The following GAB2 variants were observed in gnomAD, a reference collection of about 807,000 sequenced individuals.
GAB2 encodes the protein GRB2 associated binding protein 2.
GAB2 carries 26 observed loss-of-function variants against 65.5 expected under a neutral mutation model. That is an observed-to-expected ratio of 0.40 (90% CI 0.29 to 0.55). The LOEUF (loss-of-function observed/expected upper bound fraction) is 0.55. GAB2 is among the 20% of genes least tolerant of loss of function. The pLI is 0.53. For synonymous variants in GAB2, 321 were observed against 329.6 expected (o/e 0.97, Z 0.28); for missense variants, 884 against 875.8 (o/e 1.01, Z -0.12).
chr11:78,290,630 T>G (rs1020673966), intron 1 of GAB2, among the ~76,000 whole-genome samples: 4 of 152,188 alleles, frequency 2.6e-5, no homozygotes, highest in Admixed American at 1.3e-4. Context: ...TGAAGGCCCG[T>G]GAAAGTTTAT....
At position 78,230,523 on chromosome 11, in the gene GAB2, G is replaced by A. The variant is rs562212705; in HGVS notation, c.621-3472C>T. Among the ~76,000 whole-genome samples, 3 of 152,180 alleles carry A rather than the reference G, an allele frequency of 2.0e-5. No individual in the cohort carries two copies. The East Asian group carries it at 5.8e-4, about 29-fold the overall frequency. ...TACCACAGCACTCTGTGCTTCCATC[G>A]CAACACTCACCTTATTCTGCCTTAT... is the stretch of plus-strand genomic sequence containing the variant. On this transcript the variant is annotated intron_variant, in intron 3 of 9. Transcript: ENST00000361507.
At chr11:78,277,692 G>T (rs1415228865) in intron 2 of GAB2, among the ~76,000 whole-genome samples, 3 of 152,214 alleles carry the variant, frequency 2.0e-5, no homozygotes, top group Non-Finnish European at 4.4e-5. Flanking sequence ...GTGCTGGCAG[G>T]CCACTGCACA....
chr11:78,315,138 G>C (rs111415455), intron 1 of GAB2, among the ~76,000 whole-genome samples: 6 of 152,146 alleles, frequency 3.9e-5, no homozygotes, highest in Non-Finnish European at 7.4e-5. Flanking sequence ...AAAAGGGCAG[G>C]GGGGAGGAGG....
At chr11:78,301,336 TG>T (rs771160869) in intron 1 of GAB2, among the ~76,000 whole-genome samples, 5 of 150,556 alleles carry the variant, frequency 3.3e-5, no homozygotes, top group African/African-American at 1.2e-4. Context: ...TGTGGTTTTT[TG>T]TTTTTTTTTT....
rs57095813 is a variant in GAB2, at chr11:78,398,041, C to CACACACACACACACACACACACACAT, written c.75+19604_75+19605insATGTGTGTGTGTGTGTGTGTGTGTGT. Among the ~76,000 whole-genome samples, 434 of 151,490 alleles carry CACACACACACACACACACACACACAT rather than the reference C, an allele frequency of 2.9e-3. 5 individuals are homozygous for CACACACACACACACACACACACACAT. Among genetic ancestry groups the CACACACACACACACACACACACACAT allele is most frequent in the African/African-American group, 9.3e-3 (383 of 41,036 alleles). ...ATAGCTACACACACACACACACACA[C>CACACACACACACACACACACACACAT]ATCCCTGGCCTATACTCAATGTTTT... On this transcript the variant is annotated intron_variant, in intron 1 of 9. Transcript: ENST00000361507.
At chr11:78,266,233 A>AAAAAAAAAAAC (rs1865870871) in intron 2 of GAB2, among the ~76,000 whole-genome samples, 1 of 151,346 alleles carries the variant, frequency 6.6e-6, no homozygotes, top group Non-Finnish European at 1.5e-5. Context: ...AAAAAAAAAA[A>AAAAAAAAAAAC]AAAAATCATG....
rs1176364007 is a variant in GAB2, at chr11:78,378,547, G to A, written c.75+39099C>T. ...ATTCTCATAGCAACCCTGATGTGAAGGCATTGGTTCTCTCTTTCTCCCTTC... is the reference window on the plus strand; with the variant it reads ...ATTCTCATAGCAACCCTGATGTGAAAGCATTGGTTCTCTCTTTCTCCCTTC... On this transcript the variant is annotated intron_variant, in intron 1 of 9. Transcript: ENST00000361507. 2.0e-5 allele frequency among the ~76,000 whole-genome samples: 3 copies of A among 152,166 alleles called. No homozygotes were observed. The East Asian group carries it at 5.8e-4, about 29-fold the overall frequency.
intron 3 of GAB2, among the ~76,000 whole-genome samples, chr11:78,244,107 T>C (rs977634181): frequency 2.6e-5 from 4 of 152,072 alleles, no homozygotes; most frequent in African/African-American, 9.7e-5. Flanking sequence ...CTGGGTGTGC[T>C]GGCTCACATC....
chr11:78,362,589 T>C (rs1009054464), intron 1 of GAB2, among the ~76,000 whole-genome samples: 1 of 152,132 alleles, frequency 6.6e-6, no homozygotes, highest in African/African-American at 2.4e-5. Context: ...TGTAAATCAA[T>C]TTAATTCACC....
intron 1 of GAB2, among the ~76,000 whole-genome samples, chr11:78,362,435 G>A (rs1050954303): frequency 6.6e-6 from 1 of 151,246 alleles, no homozygotes; most frequent in African/African-American, 2.4e-5. Context: ...ATAAGCAGAG[G>A]GATAAAAAGG....
At chr11:78,313,553 C>T (rs1270412075) in intron 1 of GAB2, among the ~76,000 whole-genome samples, 1 of 152,162 alleles carries the variant, frequency 6.6e-6, no homozygotes, top group African/African-American at 2.4e-5. Flanking sequence ...GACCCACAGC[C>T]TCCCTATGAT....
chr11:78,313,134 G>A (rs931597207), intron 1 of GAB2, among the ~76,000 whole-genome samples: 3 of 152,038 alleles, frequency 2.0e-5, no homozygotes, highest in Non-Finnish European at 2.9e-5. Flanking sequence ...TGTTCATAAG[G>A]TTGTCACGAG....
chr11:78,350,914 T>C (rs1856267628), intron 1 of GAB2, among the ~76,000 whole-genome samples: 1 of 152,214 alleles, frequency 6.6e-6, no homozygotes, highest in African/African-American at 2.4e-5. Flanking sequence ...GAACAGTGGT[T>C]TGAGAGGAAG....
chr11:78,410,942 A>G (rs1018796010), intron 1 of GAB2, among the ~76,000 whole-genome samples: 5 of 152,058 alleles, frequency 3.3e-5, no homozygotes, highest in Non-Finnish European at 7.4e-5. Flanking sequence ...TAAGCTCCGG[A>G]GTGTGAGACC....
chr11:78,282,273 G>C (rs991134825), intron 1 of GAB2, among the ~76,000 whole-genome samples: 1 of 151,478 alleles, frequency 6.6e-6, no homozygotes, highest in Non-Finnish European at 1.5e-5. Context: ...AGAAATCTGC[G>C]TTCAGTCTAT....
intron 3 of GAB2, among the ~76,000 whole-genome samples, chr11:78,246,189 C>T (rs1363592913): frequency 6.6e-6 from 1 of 151,970 alleles, no homozygotes; most frequent in African/African-American, 2.4e-5. Flanking sequence ...GCCTCGGGCT[C>T]CCAAAGTGCT....
At chr11:78,268,450 T>C (rs1865923972) in intron 2 of GAB2, among the ~76,000 whole-genome samples, 1 of 152,172 alleles carries the variant, frequency 6.6e-6, no homozygotes, top group African/African-American at 2.4e-5. Context: ...AATACAAAGT[T>C]CTAATTCTAC....
chr11:78,385,577 A>G (rs1206666418), intron 1 of GAB2, among the ~76,000 whole-genome samples: 1 of 152,234 alleles, frequency 6.6e-6, no homozygotes, highest in Non-Finnish European at 1.5e-5. Context: ...GTGGGAAAAT[A>G]TTCATTCACA....
intron 1 of GAB2, among the ~76,000 whole-genome samples, chr11:78,344,608 T>G (rs1277718817): frequency 6.6e-6 from 1 of 152,238 alleles, no homozygotes; most frequent in East Asian, 1.9e-4. Flanking sequence ...GCAAAGAATA[T>G]TCATTGTTTA....
Sources: allele counts gnomAD v4.1 joint callset (sites outside exome capture counted in the v4.1 genomes callset), GRCh38; gene constraint gnomAD v4.1.1; transcripts MANE v1.5; gene names NCBI Gene and HGNC (gene_info 2026-07-23, HGNC 2026-07-21).